MFSD8: variants seen among roughly 807,000 people sequenced by gnomAD.
MFSD8 encodes major facilitator superfamily domain-containing protein 8.
Under a neutral mutation model 66.4 loss-of-function variants are expected in MFSD8, and 55 were observed. The observed-to-expected ratio is 0.83, with a 90% CI of 0.67 to 1.04. The LOEUF (loss-of-function observed/expected upper bound fraction) is 1.04. Ranked by LOEUF, MFSD8 falls within the 50% of genes least tolerant of loss-of-function variation. The probability of loss-of-function intolerance (pLI) is 0.00; values close to 1 mark genes in which losing one functional copy is unlikely to be tolerated. For synonymous variants in MFSD8, 202 were observed against 212.8 expected, an observed-to-expected ratio of 0.95 and a Z score of 0.44; for missense variants, 550 against 627.6, an observed-to-expected ratio of 0.88 and a Z score of 1.32.
rs566884189 is a variant in MFSD8 at position 127,918,223 on chromosome 4, T to G, written c.*2407A>C. On this transcript the variant is annotated 3_prime_UTR_variant, in exon 12 of 12. Coordinates refer to ENST00000641686, the MANE Select transcript of MFSD8 (RefSeq NM_001371596.2). ...ATCTCCTGTTGTCATTTTCTCTTTA[T>G]ACGCAACTTGGCCTACTCAAGAAGA... 11 of 152,350 alleles carry G rather than the reference T, an allele frequency of 7.2e-5. No homozygotes were observed. The East Asian group carries it at 2.1e-3, about 29-fold the overall frequency. The allele number at this position is 152,350 out of a possible 1,614,324, so 9.4% of individuals were successfully genotyped here. A position where few individuals can be genotyped will look rare whatever the true frequency, so the allele number is the denominator to read the frequency against.
chr4:127,949,924 G>T, intron 2 of MFSD8, 77 bp from the exon 3 acceptor site: 1 of 1,315,398 alleles, frequency 7.6e-7, no homozygotes, highest in Non-Finnish European at 1.1e-6. Context: ...CTGAACCGTG[G>T]CATGGATTTT....
intron 11 of MFSD8, 64 bp downstream of exon 11, chr4:127,921,460 C>CA: frequency 1.2e-6 from 2 of 1,611,050 alleles, no homozygotes; most frequent in South Asian, 2.2e-5. Context: ...AGAATGGCAG[C>CA]AAAAAATGTT....
intron 2 of MFSD8, among the ~76,000 whole-genome samples, chr4:127,953,621 T>C (rs1213627349): frequency 6.9e-6 from 1 of 145,174 alleles, no homozygotes; most frequent in Non-Finnish European, 1.5e-5. Flanking sequence ...TGGTGTGATC[T>C]TGGCTCAGTG....
At chr4:127,940,137 T>C in intron 5 of MFSD8, 140 bp from the exon 6 acceptor site, 1 of 832,054 alleles carries the variant, frequency 1.2e-6, no homozygotes, top group East Asian at 2.7e-5. Flanking sequence ...CAGATGGAAT[T>C]GGTTCTTGAT....
chr4:127,942,192 GA>G, intron 4 of MFSD8, 34 bp from the exon 5 acceptor site: 1 of 1,498,344 alleles, frequency 6.7e-7, no homozygotes, highest in Non-Finnish European at 9.3e-7. Flanking sequence ...CAAAGTAAAA[GA>G]AAGTATCATT....
At chr4:127,964,640 T>A (rs1394188637) in intron 1 of MFSD8, 1 of 213,882 alleles carries the variant, frequency 4.7e-6, no homozygotes, top group Non-Finnish European at 9.6e-6. Flanking sequence ...CCCTGCAAGC[T>A]GAGGGAGCCG....
chr4:127,930,239 CAA>C (rs879490591), intron 9 of MFSD8, among the ~76,000 whole-genome samples: 4 of 138,478 alleles, frequency 2.9e-5, no homozygotes, highest in Admixed American at 1.4e-4. Context: ...GACCTTGTCT[CAA>C]AAAAAAAAAG....
intron 4 of MFSD8, among the ~76,000 whole-genome samples, chr4:127,942,402 T>C (rs910980022): frequency 3.3e-5 from 5 of 152,096 alleles, no homozygotes; most frequent in Non-Finnish European, 7.4e-5. Flanking sequence ...AATGGTATCA[T>C]AAGAAAACCA....
At chr4:127,922,569 G>A (rs531543796) in intron 9 of MFSD8, among the ~76,000 whole-genome samples, 8 of 151,920 alleles carry the variant, frequency 5.3e-5, no homozygotes, top group East Asian at 1.9e-4. Context: ...AGGCTGCAAT[G>A]AGCTGTGATG....
intron 6 of MFSD8, 109 bp from the exon 7 acceptor site, chr4:127,938,947 T>C (rs1380341363): frequency 3.7e-6 from 3 of 808,038 alleles, no homozygotes; most frequent in Non-Finnish European, 4.0e-6. Flanking sequence ...TAGTTTCTTT[T>C]ATTGGTTTTT....
intron 9 of MFSD8, among the ~76,000 whole-genome samples, chr4:127,927,682 T>G (rs968307194): frequency 1.3e-5 from 2 of 152,170 alleles, no homozygotes; most frequent in African/African-American, 2.4e-5. Context: ...CAGTTGTACT[T>G]TTACAAAATG....
intron 2 of MFSD8, among the ~76,000 whole-genome samples, chr4:127,957,296 TG>T (rs1560775711): frequency 6.6e-6 from 1 of 152,210 alleles, no homozygotes; most frequent in African/African-American, 2.4e-5. Context: ...TTTTGCAAGA[TG>T]AAAATGTTCT....
intron 9 of MFSD8, among the ~76,000 whole-genome samples, chr4:127,922,941 T>C (rs1364645032): frequency 6.6e-6 from 1 of 152,166 alleles, no homozygotes; most frequent in African/African-American, 2.4e-5. Flanking sequence ...AACAAAACAT[T>C]ATATTTCTTC....
Position 127,943,941 on chromosome 4 carries a change from T to C in MFSD8, c.250A>G (p.Ser84Gly). Residue 84 changes from serine (S) to glycine (G), a missense_variant, in exon 4 of 12, where the codon AGT becomes GGT. Physicochemically the swap from Ser to Gly is moderately conservative, Grantham distance 56. Transcript: ENST00000641686. The stretch of plus-strand genomic sequence containing the variant: ...GGTGAAGCTACCATTTGGCCAAGAC[T>C]ATATGAAGCAATAACCCAGCCCAAA... ...SFLGWVIASY[S>G]LGQMVASPIF... The C allele has an allele frequency of 6.2e-7, 1 of 1,614,178 alleles. No homozygotes were observed. The highest frequency in any genetic ancestry group is 8.5e-7 in the Non-Finnish European group (1 of 1,180,028).
At chr4:127,927,341 A>G (rs1490417526) in intron 9 of MFSD8, among the ~76,000 whole-genome samples, 1 of 152,046 alleles carries the variant, frequency 6.6e-6, no homozygotes, top group Non-Finnish European at 1.5e-5. Context: ...ACACCCAGCT[A>G]ATTTTTGTGT....
Position 127,920,556 on chromosome 4 carries a change from C to T in MFSD8, c.*74G>A, listed in dbSNP as rs986145964. The stretch of plus-strand genomic sequence containing the variant: ...AGTCTGATTCTTGGAGACTGGCTCA[C>T]CGCAATTGTCTAGCAGAGCTTTAGA... On this transcript the variant is annotated 3_prime_UTR_variant, in exon 12 of 12. Transcript: ENST00000641686. 21 of 1,469,826 alleles carry T rather than the reference C, an allele frequency of 1.4e-5. No homozygotes were observed. Among genetic ancestry groups the T allele is most frequent in the Admixed American group, 1.2e-4 (7 of 59,692 alleles). The allele number at this position is 1,469,826 out of a possible 1,614,324, so 91.0% of individuals were successfully genotyped here.
intron 11 of MFSD8, 178 bp downstream of exon 11, chr4:127,921,346 A>G: frequency 9.4e-7 from 1 of 1,068,656 alleles, no homozygotes; most frequent in African/African-American, 1.6e-5. Context: ...ACTATAACCC[A>G]CATAACCTAC....
intron 1 of MFSD8, among the ~76,000 whole-genome samples, chr4:127,959,007 C>T (rs180710130): frequency 6.6e-6 from 1 of 152,256 alleles, no homozygotes; most frequent in East Asian, 1.9e-4. Context: ...CCAGTGTCTG[C>T]TTACTAATTA....
Position 127,939,925 on chromosome 4 carries a change from A to G in MFSD8, c.626T>C (p.Met209Thr), listed in dbSNP as rs1578889507. The change falls in exon 6 of 12, where the codon ATG becomes ACG. Residue 209 changes from methionine (M) to threonine (T), a missense_variant. Physicochemically the swap from Met to Thr is moderately conservative, Grantham distance 81 (BLOSUM62 -1). Coordinates refer to ENST00000641686, the MANE Select transcript of MFSD8 (RefSeq NM_001371596.2). ...TWDVIKLQIN[M>T]YTTPVLLSAF... ...GCTAAGTAAAACTGGTGTTGTATAC[A>G]TGTTTATCTGCAGTTTAATCACATC... 1 of 1,613,600 alleles carries G rather than the reference A, an allele frequency of 6.2e-7. No individual in the cohort carries two copies. Among genetic ancestry groups the G allele is most frequent in the South Asian group, 1.1e-5 (1 of 91,066 alleles).
Sources: allele counts gnomAD v4.1 joint callset (sites outside exome capture counted in the v4.1 genomes callset), GRCh38; gene constraint gnomAD v4.1.1; transcripts MANE v1.5; gene names NCBI Gene and HGNC (gene_info 2026-07-23, HGNC 2026-07-21).